The following DNAH7 variants were observed in gnomAD, a reference collection of about 807,000 sequenced individuals.
DNAH7 encodes axonemal beta dynein heavy chain 7.
In DNAH7, 397 loss-of-function variants were observed where a neutral mutation model predicts 444.6. That is an observed-to-expected ratio of 0.89 (90% CI 0.82 to 0.97). DNAH7 has a LOEUF of 0.97. DNAH7 is among the 50% of genes least tolerant of loss of function. The probability of loss-of-function intolerance (pLI) is 0.00; values close to 1 mark genes in which losing one functional copy is unlikely to be tolerated. For synonymous variants in DNAH7, 1,636 were observed against 1,624.4 expected (o/e 1.01, Z -0.17); for missense variants, 4,902 against 4,800.8 (o/e 1.02, Z -0.62).
At chr2:195,739,491 T>C (rs763302751) in intron 64 of DNAH7, among the ~76,000 whole-genome samples, 9 of 152,254 alleles carry the variant, frequency 5.9e-5, no homozygotes, top group Non-Finnish European at 8.8e-5. Context: ...GATGCAGTTA[T>C]AGATTGAATC....
chr2:195,969,849 G>A, intron 17 of DNAH7, 99 bp downstream of exon 17: 3 of 1,223,200 alleles, frequency 2.5e-6, no homozygotes, highest in Non-Finnish European at 3.4e-6. Context: ...TGTGGTTACT[G>A]TTTTATTTGA....
At chr2:195,930,017 A>G (rs1688585433) in intron 21 of DNAH7, among the ~76,000 whole-genome samples, 2 of 152,196 alleles carry the variant, frequency 1.3e-5, no homozygotes, top group Non-Finnish European at 2.9e-5. Flanking sequence ...AACTTAAACA[A>G]TTGAACAAGC....
At chr2:195,899,660 T>G (rs1206023247) in intron 28 of DNAH7, among the ~76,000 whole-genome samples, 1 of 152,228 alleles carries the variant, frequency 6.6e-6, no homozygotes, top group Non-Finnish European at 1.5e-5. Flanking sequence ...AAATCATGAA[T>G]GTGAAAATTT....
At chr2:195,941,975 T>C (rs189598957) in intron 19 of DNAH7, among the ~76,000 whole-genome samples, 8 of 152,114 alleles carry the variant, frequency 5.3e-5, no homozygotes, top group Non-Finnish European at 1.0e-4. Flanking sequence ...TTAACAAACA[T>C]TTACCAAGGG....
intron 3 of DNAH7, among the ~76,000 whole-genome samples, 187 bp downstream of exon 3, chr2:196,051,000 A>C (rs1052215677): frequency 2.0e-5 from 3 of 152,210 alleles, no homozygotes; most frequent in Non-Finnish European, 2.9e-5. Context: ...CTACATATAC[A>C]GGTAATTATA....
chr2:195,889,460 G>A (rs149296121), intron 31 of DNAH7, among the ~76,000 whole-genome samples: 3 of 151,808 alleles, frequency 2.0e-5, no homozygotes, highest in African/African-American at 7.2e-5. Context: ...GACCACGAGT[G>A]CGCACCACCA....
chr2:195,857,645 C>CT lies in DNAH7; in HGVS notation c.8145dup (p.Gly2716ArgfsTer5), dbSNP rs1268508325. On this transcript the variant is annotated frameshift_variant, in exon 44 of 65. Coordinates refer to ENST00000312428, the MANE Select transcript of DNAH7 (RefSeq NM_018897.3). LOFTEE classifies it high-confidence loss of function. Reference sequence around the variant, plus strand: ...TCAGGGATTTTGTCAGCTTTGATTCCTTTCAAGATGCATATAGCTTCCATA... The same window carrying CT: ...TCAGGGATTTTGTCAGCTTTGATTCCTTTTCAAGATGCATATAGCTTCCATA... The CT allele has an allele frequency of 6.2e-7, 1 of 1,613,678 alleles. No homozygotes were observed. The highest frequency in any genetic ancestry group is 1.3e-5 in the African/African-American group (1 of 74,870).
chr2:195,823,465 TTTCTC>T (rs1697566798), intron 49 of DNAH7, among the ~76,000 whole-genome samples: 1 of 152,216 alleles, frequency 6.6e-6, no homozygotes, highest in Non-Finnish European at 1.5e-5. Context: ...ATCTCGATCT[TTTCTC>T]TGCCTCTCTG....
At chr2:195,958,022 C>T (rs149703383) in intron 18 of DNAH7, among the ~76,000 whole-genome samples, 44 of 152,178 alleles carry the variant, frequency 2.9e-4, no homozygotes, top group African/African-American at 1.1e-3. Flanking sequence ...CTCATAAAGG[C>T]TTTATTTCTA....
intron 3 of DNAH7, among the ~76,000 whole-genome samples, chr2:196,050,728 T>TG (rs962791605): frequency 1.3e-5 from 2 of 152,102 alleles, no homozygotes; most frequent in African/African-American, 4.8e-5. Flanking sequence ...GTCAAAATAA[T>TG]GAAAAAAGAT....
rs539752278 is a variant in DNAH7, at chr2:195,970,561, C to G, written c.2059-467G>C. Among the ~76,000 whole-genome samples the G allele has an allele frequency of 7.9e-5, 12 of 152,194 alleles. No individual in the cohort carries two copies. In the South Asian group the frequency reaches 1.0e-3, roughly 13 times the overall value. ...ATCATTTCAATCAGCAATACTAAAG[C>G]AAGATATTCCAAGGTTATTTTTCTT... On this transcript the variant is annotated intron_variant, in intron 16 of 64. Transcript: ENST00000312428.
At chr2:195,870,104 C>T (rs546292952) in intron 40 of DNAH7, among the ~76,000 whole-genome samples, 1 of 152,300 alleles carries the variant, frequency 6.6e-6, no homozygotes, top group Non-Finnish European at 1.5e-5. Flanking sequence ...GTGTAGCAAG[C>T]CTGCCTGCCT....
At chr2:195,817,493 G>A (rs906959447) in intron 50 of DNAH7, among the ~76,000 whole-genome samples, 1 of 152,168 alleles carries the variant, frequency 6.6e-6, no homozygotes, top group Non-Finnish European at 1.5e-5. Context: ...CTCTTCCAGT[G>A]CCTAAGAACT....
At chr2:195,825,643 A>AAG (rs1697707811) in intron 48 of DNAH7, among the ~76,000 whole-genome samples, 1 of 152,230 alleles carries the variant, frequency 6.6e-6, no homozygotes, top group Admixed American at 6.5e-5. Flanking sequence ...CCCTGGATCA[A>AAG]AGATCAGTGA....
At chr2:195,837,868 C>T (rs769033003) in intron 47 of DNAH7, among the ~76,000 whole-genome samples, 14 of 151,918 alleles carry the variant, frequency 9.2e-5, no homozygotes, top group Non-Finnish European at 1.8e-4. Context: ...CCACTTTGCC[C>T]CCAGTGTTGG....
intron 10 of DNAH7, among the ~76,000 whole-genome samples, chr2:196,006,267 C>G (rs1351807008): frequency 2.0e-5 from 3 of 152,138 alleles, no homozygotes; most frequent in Non-Finnish European, 4.4e-5. Flanking sequence ...GATCGCACCA[C>G]TGCACTCCAG....
intron 61 of DNAH7, among the ~76,000 whole-genome samples, chr2:195,768,378 C>G (rs1247307034): frequency 6.6e-6 from 1 of 151,448 alleles, no homozygotes; most frequent in African/African-American, 2.4e-5. Context: ...ATCAGTATGT[C>G]TTGGCATCTT....
At position 195,855,833 on chromosome 2, in the gene DNAH7, TTTTG is replaced by T. The variant is rs749982029; in HGVS notation, c.8569_8572del (p.Gln2857ArgfsTer16). ...CACCTGGTTTTCCAGGTCAGCCTTC[TTTTG>T]TTTATTTAATTCAAGTGTGTCTTGA... On this transcript the variant is annotated frameshift_variant, in exon 45 of 65. Coordinates refer to ENST00000312428, the MANE Select transcript of DNAH7 (RefSeq NM_018897.3). LOFTEE classifies it high-confidence loss of function. The T allele has an allele frequency of 9.9e-6, 16 of 1,613,652 alleles. No individual in the cohort carries two copies. The highest frequency in any genetic ancestry group is 1.7e-4 in the Middle Eastern group (1 of 6,056).
At chr2:196,064,947 T>C (rs1020648285) in intron 1 of DNAH7, among the ~76,000 whole-genome samples, 1 of 152,228 alleles carries the variant, frequency 6.6e-6, no homozygotes, top group African/African-American at 2.4e-5. Flanking sequence ...ATCTCATATA[T>C]ACATACATAT....
Sources: gnomAD v4.1 joint callset for allele counts (sites outside exome capture counted in the v4.1 genomes callset) on GRCh38, gnomAD v4.1.1 for gene constraint, MANE v1.5 for transcripts, NCBI Gene and HGNC (gene_info 2026-07-23, HGNC 2026-07-21) for gene names.